The following GLIS3 variants were observed in gnomAD, a reference collection of about 807,000 sequenced individuals.
The protein encoded by GLIS3 is GLIS family zinc finger 3.
A neutral mutation model predicts 78.6 loss-of-function variants in GLIS3; 53 were observed. The observed-to-expected ratio is 0.67, with a 90% CI of 0.54 to 0.85. GLIS3 has a LOEUF of 0.85. Ranked by LOEUF, GLIS3 falls within the 40% of genes least tolerant of loss-of-function variation. GLIS3 has a pLI of 0.00. For synonymous variants in GLIS3, 684 were observed against 509.9 expected (o/e 1.34, Z -4.60); for missense variants, 1,703 against 1,231.1 (o/e 1.38, Z -5.74).
At chr9:4,358,755 T>C in the GLIS3 span, among the ~76,000 whole-genome samples, 7 of 152,208 alleles carry the variant, frequency 4.6e-5, no homozygotes, top group Non-Finnish European at 1.0e-4. Context: ...TACATATGTG[T>C]CCAGGTTACA....
At position 3,977,672 on chromosome 9, in the gene GLIS3, A is replaced by C. The variant is rs532427992; in HGVS notation, c.1711-40483T>G. On this transcript the variant is annotated intron_variant, in intron 4 of 10. Transcript: ENST00000381971. This position sits in a 1 kb window ranked among gnomAD's most constrained non-coding sequence, Gnocchi z 4.1. The stretch of plus-strand genomic sequence containing the variant: ...ATCAATAATGGCAGAATGACGGCTT[A>C]GTTCAAAGATCATAGAGATGTTACT... Among the ~76,000 whole-genome samples the C allele has an allele frequency of 5.3e-4, 81 of 152,258 alleles. No homozygotes were observed. Among genetic ancestry groups the C allele is most frequent in the Non-Finnish European group, 1.0e-3 (71 of 68,040 alleles).
At chr9:4,340,388 T>G (rs574707406) in intron 2 of GLIS3, among the ~76,000 whole-genome samples, 2 of 152,080 alleles carry the variant, frequency 1.3e-5, no homozygotes, top group East Asian at 3.9e-4. Flanking sequence ...GGGGGAAAAC[T>G]TCAACTTCCC....
chr9:4,033,119 C>T (rs1404309475), intron 4 of GLIS3, among the ~76,000 whole-genome samples: 1 of 152,106 alleles, frequency 6.6e-6, no homozygotes, highest in Non-Finnish European at 1.5e-5. Flanking sequence ...TCCCAAAGTG[C>T]TGGGATTACA....
chr9:4,459,530 A>G, the GLIS3 span, among the ~76,000 whole-genome samples: 1 of 152,232 alleles, frequency 6.6e-6, no homozygotes, highest in Non-Finnish European at 1.5e-5. Flanking sequence ...TTGGGAGGCC[A>G]AGATGGGAGG....
At chr9:4,202,542 G>C (rs1819503114) in intron 2 of GLIS3, among the ~76,000 whole-genome samples, 2 of 152,114 alleles carry the variant, frequency 1.3e-5, no homozygotes, top group Non-Finnish European at 2.9e-5. Context: ...CAAAGATGGA[G>C]GCATCACATT....
At chr9:4,003,183 C>G (rs1821257726) in intron 4 of GLIS3, among the ~76,000 whole-genome samples, 1 of 152,092 alleles carries the variant, frequency 6.6e-6, no homozygotes, top group South Asian at 2.1e-4. Flanking sequence ...AGTCTGAGAC[C>G]AGCCTGGGCA....
intron 2 of GLIS3, among the ~76,000 whole-genome samples, chr9:4,146,947 T>G (rs7850510): frequency 0.24 from 36,544 of 152,108 alleles, 4,759 homozygotes; most frequent in Middle Eastern, 0.37. Flanking sequence ...TTTCTCAATT[T>G]GATTGTCCCA....
intron 7 of GLIS3, 56 bp downstream of exon 7, chr9:3,898,635 G>C (rs892881743): frequency 1.2e-6 from 2 of 1,608,052 alleles, no homozygotes; most frequent in Non-Finnish European, 1.7e-6. Flanking sequence ...CTTTTAACCA[G>C]AGTAAAAGGC....
In GLIS3 at chr9:4,046,918, T is replaced by A. The variant is rs184964665; in HGVS notation, c.1710+70850A>T. Among the ~76,000 whole-genome samples the A allele has an allele frequency of 5.1e-4, 77 of 152,294 alleles. 1 individual carries two copies. Among genetic ancestry groups the A allele is most frequent in the African/African-American group, 1.8e-3 (76 of 41,564 alleles). On this transcript the variant is annotated intron_variant, in intron 4 of 10. Coordinates refer to ENST00000381971, the MANE Select transcript of GLIS3 (RefSeq NM_001042413.2). ...TGAAAGCTGTAAAGGATATTTTACCTCAATGTGAAAACAGTTTAAGCCCTG... is the reference window on the plus strand; with the variant it reads ...TGAAAGCTGTAAAGGATATTTTACCACAATGTGAAAACAGTTTAAGCCCTG...
chr9:4,269,285 C>A (rs1826290630), intron 2 of GLIS3, among the ~76,000 whole-genome samples: 1 of 152,120 alleles, frequency 6.6e-6, no homozygotes, highest in South Asian at 2.1e-4. Flanking sequence ...CCTCCCTGCC[C>A]ACAGATATTA....
At chr9:4,114,338 T>C (rs145458768) in intron 4 of GLIS3, among the ~76,000 whole-genome samples, 1 of 152,166 alleles carries the variant, frequency 6.6e-6, no homozygotes, top group Non-Finnish European at 1.5e-5. Context: ...ATGGATATTG[T>C]TAGGGATGAT....
chr9:4,195,598 G>A (rs1453645564), intron 2 of GLIS3, among the ~76,000 whole-genome samples: 4 of 152,236 alleles, frequency 2.6e-5, no homozygotes, highest in South Asian at 4.1e-4. Flanking sequence ...CTCCCACGCG[G>A]CCTGAGCCTC....
intron 4 of GLIS3, among the ~76,000 whole-genome samples, chr9:4,044,579 G>C (rs1372202522): frequency 1.3e-5 from 2 of 152,034 alleles, no homozygotes; most frequent in Admixed American, 6.6e-5. Context: ...CTTTTTGCTG[G>C]CCAGCACATG....
At chr9:4,234,842 G>C (rs1822568624) in intron 2 of GLIS3, among the ~76,000 whole-genome samples, 1 of 152,168 alleles carries the variant, frequency 6.6e-6, no homozygotes, top group Non-Finnish European at 1.5e-5. Context: ...AACTATTTCA[G>C]AAAATAGGTT....
chr9:4,394,848 A>C, the GLIS3 span, among the ~76,000 whole-genome samples: 23 of 152,252 alleles, frequency 1.5e-4, no homozygotes, highest in African/African-American at 5.3e-4. Context: ...TGCCAAATAT[A>C]GCCTTGTCTA....
intron 9 of GLIS3, among the ~76,000 whole-genome samples, chr9:3,838,576 G>A (rs1008177495): frequency 5.3e-5 from 8 of 152,164 alleles, no homozygotes; most frequent in African/African-American, 1.7e-4. Context: ...CTAAAAATAC[G>A]CTTCCACACA....
intron 2 of GLIS3, chr9:4,147,546 G>A (rs1205090834): frequency 6.6e-6 from 1 of 152,268 alleles, no homozygotes; most frequent in Admixed American, 6.5e-5. Context: ...AGGGCTACTT[G>A]CTCTTTGGTT....
At chr9:4,141,018 T>A (rs1833772951) in intron 2 of GLIS3, among the ~76,000 whole-genome samples, 1 of 152,210 alleles carries the variant, frequency 6.6e-6, no homozygotes, top group Non-Finnish European at 1.5e-5. Context: ...CAGGCTGGTC[T>A]CGAACTCCTC....
chr9:4,072,457 C>T (rs889724574), intron 4 of GLIS3, among the ~76,000 whole-genome samples: 3 of 152,150 alleles, frequency 2.0e-5, no homozygotes, highest in Admixed American at 6.5e-5. Context: ...ATCAGCATGT[C>T]TTTAATCTAT....
Sources: allele counts gnomAD v4.1 joint callset (sites outside exome capture counted in the v4.1 genomes callset), GRCh38; gene constraint gnomAD v4.1.1; non-coding constraint Gnocchi (gnomAD v3.1); transcripts MANE v1.5; gene names NCBI Gene and HGNC (gene_info 2026-07-23, HGNC 2026-07-21).